Variants in METTL8 observed in about 807,000 individuals in gnomAD.
METTL8 encodes the protein tRNA N(3)-cytidine methyltransferase METTL8, mitochondrial.
In METTL8, 32 loss-of-function variants were observed where a neutral mutation model predicts 48.7. The observed-to-expected ratio is 0.66, with a 90% CI of 0.50 to 0.88. The LOEUF is 0.88. METTL8 is among the 40% of genes least tolerant of loss of function. The pLI is 0.00. For missense variants in METTL8, 464 were observed against 474.4 expected, an observed-to-expected ratio of 0.98 and a Z score of 0.20; for synonymous variants, 136 against 157.1, an observed-to-expected ratio of 0.87 and a Z score of 1.01.
At chr2:171,367,735 CAACAAT>C (rs1374983242) in intron 2 of METTL8, among the ~76,000 whole-genome samples, 3 of 152,116 alleles carry the variant, frequency 2.0e-5, no homozygotes. Context: ...AACTGTATGA[CAACAAT>C]ATCACAAATG....
At position 171,394,824 on chromosome 2, in the gene METTL8, G is replaced by A. The variant is rs188181872; in HGVS notation, c.-12-2627C>T. ...TTGTTTGACTGATTACATAAAAATG[G>A]TATTTGTCTGACATAAATCTAATTG... On this transcript the variant is annotated intron_variant, in intron 1 of 9. Transcript: ENST00000375258. Among the ~76,000 whole-genome samples, 7 of 152,292 alleles carry A rather than the reference G, an allele frequency of 4.6e-5. No homozygotes were observed. The East Asian group carries it at 1.2e-3, about 25-fold the overall frequency.
At chr2:171,429,491 G>A (rs1177832912) in intron 1 of METTL8, among the ~76,000 whole-genome samples, 8 of 152,170 alleles carry the variant, frequency 5.3e-5, no homozygotes, top group Non-Finnish European at 1.2e-4. Flanking sequence ...AGCTTTTTAG[G>A]TCCAACTAAA....
At chr2:171,421,589 C>T (rs371009728) in intron 1 of METTL8, among the ~76,000 whole-genome samples, 1 of 152,080 alleles carries the variant, frequency 6.6e-6, no homozygotes, top group South Asian at 2.1e-4. Flanking sequence ...CTTCACTGAG[C>T]CACTAATGAA....
At chr2:171,429,663 A>C (rs1692781336) in intron 1 of METTL8, among the ~76,000 whole-genome samples, 1 of 152,242 alleles carries the variant, frequency 6.6e-6, no homozygotes, top group Non-Finnish European at 1.5e-5. Context: ...GTTTATACCT[A>C]ATTTTATCTT....
chr2:171,431,779 T>C (rs761755012), intron 1 of METTL8, among the ~76,000 whole-genome samples: 2 of 152,210 alleles, frequency 1.3e-5, no homozygotes, highest in Non-Finnish European at 2.9e-5. Context: ...ACAGGACTGA[T>C]AGGGCTGTTA....
chr2:171,326,187 G>T, intron 7 of METTL8, 39 bp from the exon 8 acceptor site: 1 of 1,138,610 alleles, frequency 8.8e-7, no homozygotes, highest in African/African-American at 1.6e-5. Context: ...CCAGTTTGTA[G>T]AAATCTTGTT....
rs971533645 is a variant in METTL8, at chr2:171,325,972, T to C, written c.968-66A>G. 5.9e-6 allele frequency: 8 copies of C among 1,366,126 alleles called. No homozygotes were observed. The African/African-American group carries it at 1.2e-4, about 20-fold the overall frequency. The allele number at this position is 1,366,126 out of a possible 1,614,324, so 84.6% of individuals were successfully genotyped here. A position where few individuals can be genotyped will look rare whatever the true frequency, so the allele number is the denominator to read the frequency against. ...CTTTAAAAAAAAACAACTAAATACTTTGATGTGAAATATAAACAAGGCATT... is the reference window on the plus strand; with the variant it reads ...CTTTAAAAAAAAACAACTAAATACTCTGATGTGAAATATAAACAAGGCATT... On this transcript the variant is annotated intron_variant, in intron 8 of 9. Coordinates refer to ENST00000375258, the MANE Select transcript of METTL8 (RefSeq NM_001321154.2).
chr2:171,385,652 G>A (rs1052988835), intron 2 of METTL8, among the ~76,000 whole-genome samples: 4 of 152,180 alleles, frequency 2.6e-5, no homozygotes, highest in African/African-American at 4.8e-5. Flanking sequence ...AACCCCTTGG[G>A]GGGTATGCTA....
chr2:171,351,838 G>C lies in METTL8; in HGVS notation c.235+8584C>G, dbSNP rs187095099. On this transcript the variant is annotated intron_variant, in intron 3 of 9. Transcript: ENST00000375258. ...TGTATCCTGAGACTTTGCTGATGTT[G>C]CTTATCAGCTTAAGGAGATTTTGGG... 1.9e-3 allele frequency among the ~76,000 whole-genome samples: 293 copies of C among 152,284 alleles called. 7 individuals are homozygous for C. The East Asian group carries it at 0.029, about 15-fold the overall frequency.
chr2:171,388,969 G>A (rs568457890), intron 2 of METTL8, among the ~76,000 whole-genome samples: 4 of 152,196 alleles, frequency 2.6e-5, no homozygotes, highest in African/African-American at 9.6e-5. Flanking sequence ...GGCTTTCCCT[G>A]TCTATTTCCC....
At chr2:171,401,825 A>G (rs1431459805) in intron 1 of METTL8, among the ~76,000 whole-genome samples, 1 of 103,166 alleles carries the variant, frequency 9.7e-6, no homozygotes, top group Non-Finnish European at 1.9e-5. Context: ...CAGGTAAACC[A>G]ATGATAGTCT....
rs373975839 is a variant in METTL8 at position 171,339,966 on chromosome 2, A to C, written c.236-412T>G. On this transcript the variant is annotated intron_variant, in intron 3 of 9. Transcript: ENST00000375258. ...GTAATCCCAGCACTTTGGGAGGCTG[A>C]AGCGGGTGGATCACGAGGTCAGGAG... Among the ~76,000 whole-genome samples the C allele has an allele frequency of 1.8e-4, 28 of 152,300 alleles. 2 individuals carry two copies. The East Asian group carries it at 4.4e-3, about 24-fold the overall frequency.
intron 1 of METTL8, among the ~76,000 whole-genome samples, chr2:171,399,743 T>C (rs1247748236): frequency 6.6e-6 from 1 of 152,224 alleles, no homozygotes; most frequent in East Asian, 1.9e-4. Flanking sequence ...ACTGCAAATT[T>C]TGCTTTTGGG....
intron 3 of METTL8, among the ~76,000 whole-genome samples, chr2:171,356,960 T>TTTTTTTTTTTTTTTTTC (rs1559101921): frequency 1.6e-5 from 2 of 123,626 alleles, no homozygotes; most frequent in African/African-American, 5.8e-5. Flanking sequence ...ATATTTTTTT[T>TTTTTTTTTTTTTTTTTC]TTTTTTTTTG....
intron 1 of METTL8, among the ~76,000 whole-genome samples, chr2:171,393,304 C>A (rs1688756249): frequency 6.7e-6 from 1 of 149,302 alleles, no homozygotes; most frequent in African/African-American, 2.5e-5. Flanking sequence ...GTGGTTCCAG[C>A]TACACGAGAG....
intron 3 of METTL8, among the ~76,000 whole-genome samples, chr2:171,346,893 A>C (rs1367839989): frequency 2.6e-4 from 39 of 152,192 alleles, no homozygotes; most frequent in Admixed American, 2.5e-3. Flanking sequence ...ATCCCTACAG[A>C]AATTGCGCTG....
chr2:171,381,170 A>G (rs1341505668), intron 2 of METTL8, among the ~76,000 whole-genome samples: 2 of 152,216 alleles, frequency 1.3e-5, no homozygotes, highest in Admixed American at 1.3e-4. Flanking sequence ...AGGATTCCCT[A>G]TATAAATGGT....
chr2:171,409,357 G>A (rs1690508656), intron 1 of METTL8, among the ~76,000 whole-genome samples: 1 of 151,854 alleles, frequency 6.6e-6, no homozygotes, highest in Non-Finnish European at 1.5e-5. Context: ...TTTCTAAGGG[G>A]CACCTCTTAA....
chr2:171,333,093 T>C (rs562463972), intron 5 of METTL8, among the ~76,000 whole-genome samples: 4 of 131,996 alleles, frequency 3.0e-5, no homozygotes, highest in Admixed American at 1.6e-4. Context: ...CTCTTTTTTT[T>C]TCTTTTCTTT....
Sources: allele counts gnomAD v4.1 joint callset (sites outside exome capture counted in the v4.1 genomes callset), GRCh38; gene constraint gnomAD v4.1.1; transcripts MANE v1.5; gene names NCBI Gene and HGNC (gene_info 2026-07-23, HGNC 2026-07-21).